RAD51B: variants seen among roughly 807,000 people sequenced by gnomAD.
RAD51B encodes the protein RAD51 paralog B.
Under a neutral mutation model 42.2 loss-of-function variants are expected in RAD51B, and 38 were observed. The observed-to-expected ratio is 0.90, with a 90% confidence interval of 0.70 to 1.18. The LOEUF (loss-of-function observed/expected upper bound fraction) is 1.18. Ranked by LOEUF, RAD51B falls within the 50% of genes most tolerant of loss-of-function variation. RAD51B has a pLI of 0.00. For synonymous variants in RAD51B, 154 were observed against 145.2 expected, an observed-to-expected ratio of 1.06 and a Z score of -0.43; for missense variants, 373 against 400.7, an observed-to-expected ratio of 0.93 and a Z score of 0.59.
At chr14:68,148,178 A>G (rs2078295242) in intron 7 of RAD51B, among the ~76,000 whole-genome samples, 2 of 152,208 alleles carry the variant, frequency 1.3e-5, no homozygotes, top group African/African-American at 4.8e-5. Flanking sequence ...TTTTCCTGCA[A>G]AGTAGTTTTC....
intron 10 of RAD51B, among the ~76,000 whole-genome samples, chr14:68,625,114 C>T (rs1195261088): frequency 6.6e-6 from 1 of 152,092 alleles, no homozygotes; most frequent in African/African-American, 2.4e-5. Flanking sequence ...TAGTCCCAGC[C>T]CTAGTGCCCA....
intron 7 of RAD51B, among the ~76,000 whole-genome samples, chr14:68,173,288 T>G (rs1460577505): frequency 6.6e-6 from 1 of 152,238 alleles, no homozygotes; most frequent in South Asian, 2.1e-4. Flanking sequence ...GTCTTTGATC[T>G]TTTTCCACAT....
chr14:68,462,245 A>G (rs1357689335), intron 9 of RAD51B, among the ~76,000 whole-genome samples: 1 of 152,214 alleles, frequency 6.6e-6, no homozygotes, highest in Admixed American at 6.5e-5. Flanking sequence ...TAGAGTGAGG[A>G]GCACGTAGTG....
In RAD51B at chr14:68,306,843, G is replaced by A. The variant is rs568853623; in HGVS notation, c.853+14863G>A. Among the ~76,000 whole-genome samples, 10 of 152,304 alleles carry A rather than the reference G, an allele frequency of 6.6e-5. No homozygotes were observed. The South Asian group carries it at 2.1e-3, about 32-fold the overall frequency. ...TGGAGGGCAGATTATGGCATGCCAG[G>A]CAATGGGTTGTGCCATCAGGGAAGG... is the stretch of plus-strand genomic sequence containing the variant. On this transcript the variant is annotated intron_variant, in intron 8 of 10. Transcript: ENST00000471583.
chr14:67,978,787 T>G (rs1245227115), intron 7 of RAD51B, among the ~76,000 whole-genome samples: 1 of 152,232 alleles, frequency 6.6e-6, no homozygotes, highest in African/African-American at 2.4e-5. Context: ...ATAAAAGTGC[T>G]TTTCTGAAAA....
chr14:68,603,580 T>G (rs754084449), intron 10 of RAD51B, among the ~76,000 whole-genome samples: 14 of 152,334 alleles, frequency 9.2e-5, no homozygotes, highest in Middle Eastern at 3.4e-3. Flanking sequence ...CTGGCTTCCT[T>G]TTGAAAATAA....
intron 7 of RAD51B, among the ~76,000 whole-genome samples, chr14:67,939,247 C>T (rs1196190298): frequency 6.6e-6 from 1 of 151,400 alleles, no homozygotes; most frequent in Non-Finnish European, 1.5e-5. Context: ...CAAACAGGAG[C>T]AAAAAAGGGA....
intron 8 of RAD51B, among the ~76,000 whole-genome samples, chr14:68,399,175 G>A (rs2084012764): frequency 6.6e-6 from 1 of 151,898 alleles, no homozygotes; most frequent in African/African-American, 2.4e-5. Context: ...TTTTTTGGGG[G>A]GGAAGGAGAG....
chr14:67,848,583 T>A (rs2041701731), intron 4 of RAD51B, among the ~76,000 whole-genome samples: 1 of 152,132 alleles, frequency 6.6e-6, no homozygotes, highest in African/African-American at 2.4e-5. Context: ...ACACTTAACA[T>A]TGAAGTTTAG....
Position 67,864,902 on chromosome 14 carries a change from A to AT in RAD51B, c.316-100dup, listed in dbSNP as rs1024013269. ...GGAACCCAGGTTAGTTGGACTGCAT[A>AT]TATGGCAAAGTCTTAAAAGGATTTT... is the stretch of plus-strand genomic sequence containing the variant. On this transcript the variant is annotated intron_variant, in intron 4 of 10. Coordinates refer to ENST00000471583, the MANE Select transcript of RAD51B (RefSeq NM_133510.4). 56 of 1,414,506 alleles carry AT rather than the reference A, an allele frequency of 4.0e-5. No individual in the cohort carries two copies. In the Admixed American group the frequency reaches 4.5e-4, roughly 11 times the overall value. 87.6% of individuals were successfully genotyped at this position (1,414,506 alleles called of 1,614,324 possible).
At chr14:68,434,969 A>G (rs546782782) in intron 9 of RAD51B, among the ~76,000 whole-genome samples, 1 of 152,356 alleles carries the variant, frequency 6.6e-6, no homozygotes, top group African/African-American at 2.4e-5. Flanking sequence ...AAATAATGCT[A>G]CAATGAACAT....
chr14:68,668,080 G>A (rs1893069723), intron 11 of RAD51B, among the ~76,000 whole-genome samples: 1 of 152,196 alleles, frequency 6.6e-6, no homozygotes, highest in Admixed American at 6.5e-5. Flanking sequence ...CTCACCCCTG[G>A]CTGCTGAGGG....
At chr14:68,178,663 C>T (rs959491312) in intron 7 of RAD51B, among the ~76,000 whole-genome samples, 1 of 152,136 alleles carries the variant, frequency 6.6e-6, no homozygotes, top group Non-Finnish European at 1.5e-5. Context: ...GTTATAACTT[C>T]TCCCCAGTGC....
At chr14:68,664,650 G>A (rs1892996951) in intron 11 of RAD51B, among the ~76,000 whole-genome samples, 1 of 152,204 alleles carries the variant, frequency 6.6e-6, no homozygotes, top group Non-Finnish European at 1.5e-5. Flanking sequence ...TTTGCTGCCA[G>A]TGAATCTCCC....
intron 7 of RAD51B, among the ~76,000 whole-genome samples, chr14:68,262,675 G>A (rs2080913145): frequency 6.6e-6 from 1 of 152,078 alleles, no homozygotes; most frequent in African/African-American, 2.4e-5. Context: ...ACAATATGAA[G>A]CCTGGCATTT....
chr14:67,976,360 C>T (rs1006082482), intron 7 of RAD51B, among the ~76,000 whole-genome samples: 1 of 151,970 alleles, frequency 6.6e-6, no homozygotes, highest in Admixed American at 6.6e-5. Context: ...TCAAGCGATC[C>T]TCTCATGTTG....
intron 9 of RAD51B, among the ~76,000 whole-genome samples, chr14:68,427,202 TCTAG>T (rs2084872918): frequency 6.6e-6 from 1 of 152,208 alleles, no homozygotes; most frequent in Non-Finnish European, 1.5e-5. Flanking sequence ...GAGAGCCCCA[TCTAG>T]GGCAATGCTT....
chr14:68,562,018 C>T (rs74821294), intron 10 of RAD51B: 733 of 985,442 alleles, frequency 7.4e-4, no homozygotes, highest in Non-Finnish European at 8.5e-4. Context: ...GTCTGCCTCA[C>T]AGCACGTCTC....
At chr14:68,573,857 C>T (rs1889830282) in intron 10 of RAD51B, among the ~76,000 whole-genome samples, 1 of 152,210 alleles carries the variant, frequency 6.6e-6, no homozygotes, top group Non-Finnish European at 1.5e-5. Flanking sequence ...CTTTGGTGCT[C>T]AGTTCCCTCT....
Sources: allele counts gnomAD v4.1 joint callset (sites outside exome capture counted in the v4.1 genomes callset), GRCh38; gene constraint gnomAD v4.1.1; transcripts MANE v1.5; gene names NCBI Gene and HGNC (gene_info 2026-07-23, HGNC 2026-07-21).